Variants in VWC2L observed in about 807,000 individuals in gnomAD.
VWC2L encodes the protein von Willebrand factor C domain-containing protein 2-like.
Under a neutral mutation model 21.6 loss-of-function variants are expected in VWC2L, and 10 were observed. The observed-to-expected ratio is 0.46, with a 90% CI of 0.29 to 0.78. The LOEUF is 0.78. Ranked by LOEUF, VWC2L falls within the 30% of genes least tolerant of loss-of-function variation. The probability of loss-of-function intolerance (pLI) is 0.10; values close to 1 mark genes in which losing one functional copy is unlikely to be tolerated. For missense variants in VWC2L, 209 were observed against 277.1 expected, an observed-to-expected ratio of 0.75 and a Z score of 1.74; for synonymous variants, 96 against 94.3, an observed-to-expected ratio of 1.02 and a Z score of -0.10.
chr2:214,535,357 C>T (rs900395984), intron 3 of VWC2L, among the ~76,000 whole-genome samples: 2 of 152,040 alleles, frequency 1.3e-5, no homozygotes, highest in Admixed American at 1.3e-4. Flanking sequence ...AGTTCCCATG[C>T]TCTTCTCCAC....
chr2:214,414,167 C>A lies in VWC2L; in HGVS notation c.-27C>A, dbSNP rs1274885201. 2 of 1,586,832 alleles carry A rather than the reference C, an allele frequency of 1.3e-6. No individual in the cohort carries two copies. The highest frequency in any genetic ancestry group is 2.3e-5 in the South Asian group (2 of 86,066). On this transcript the variant is annotated 5_prime_UTR_variant, in exon 2 of 4. Coordinates refer to ENST00000312504, the MANE Select transcript of VWC2L (RefSeq NM_001080500.4). ...AGCTGAGTATATTTAATATTAGGAG[C>A]ACATCCAGAAGTCTTTGAAGAGGGG...
At chr2:214,538,125 T>C (rs1263339576) in intron 3 of VWC2L, among the ~76,000 whole-genome samples, 3 of 152,046 alleles carry the variant, frequency 2.0e-5, no homozygotes, top group Non-Finnish European at 4.4e-5. Flanking sequence ...GTGACAAGCA[T>C]GTATCCTAGT....
intron 3 of VWC2L, among the ~76,000 whole-genome samples, chr2:214,569,389 T>C (rs1361624197): frequency 6.6e-6 from 1 of 152,116 alleles, no homozygotes; most frequent in Non-Finnish European, 1.5e-5. Flanking sequence ...CCCAATGCTT[T>C]ATCATGGCCA....
chr2:214,468,035 T>G (rs1703244936), intron 3 of VWC2L, among the ~76,000 whole-genome samples: 1 of 152,058 alleles, frequency 6.6e-6, no homozygotes, highest in Admixed American at 6.6e-5. Flanking sequence ...CTTTTTTTTT[T>G]GAGACAGAGT....
chr2:214,416,080 A>G (rs1473671651), intron 2 of VWC2L, among the ~76,000 whole-genome samples: 6 of 152,106 alleles, frequency 3.9e-5, no homozygotes, highest in Admixed American at 2.0e-4. Context: ...TCTAACCTGC[A>G]TTTATATCTA....
intron 2 of VWC2L, among the ~76,000 whole-genome samples, chr2:214,426,603 G>A (rs1702527536): frequency 1.3e-5 from 2 of 152,164 alleles, no homozygotes; most frequent in Non-Finnish European, 2.9e-5. Flanking sequence ...TTTCACAAAT[G>A]AGAAAACCAA....
intron 3 of VWC2L, among the ~76,000 whole-genome samples, chr2:214,505,743 C>A (rs778306110): frequency 2.6e-5 from 4 of 151,934 alleles, no homozygotes; most frequent in Admixed American, 6.6e-5. Context: ...CAATATCATT[C>A]CCAATCATTA....
At chr2:214,441,512 C>T (rs1702762915) in intron 3 of VWC2L, among the ~76,000 whole-genome samples, 2 of 151,962 alleles carry the variant, frequency 1.3e-5, no homozygotes, top group African/African-American at 4.8e-5. Flanking sequence ...CTCATATCAG[C>T]AAAAGTATTG....
In VWC2L at chr2:214,578,892, G is replaced by C. The variant is rs895044478; in HGVS notation, c.*3072G>C. ...ACCTAAACACTAAACTGTAAAAAGG[G>C]GATTCTAGCAACAATATTTGATGTG... On this transcript the variant is annotated 3_prime_UTR_variant, in exon 4 of 4. Transcript: ENST00000312504. 1 of 151,334 alleles carries C rather than the reference G, an allele frequency of 6.6e-6. No individual in the cohort carries two copies. Among genetic ancestry groups the C allele is most frequent in the Non-Finnish European group, 1.5e-5 (1 of 67,900 alleles). 9.4% of individuals were successfully genotyped at this position (151,334 alleles called of 1,614,324 possible).
At chr2:214,527,105 A>G (rs1202174704) in intron 3 of VWC2L, among the ~76,000 whole-genome samples, 1 of 152,172 alleles carries the variant, frequency 6.6e-6, no homozygotes, top group East Asian at 1.9e-4. Context: ...CAGCAACATG[A>G]ATGCAGCGAA....
At chr2:214,474,780 T>C (rs748215457) in intron 3 of VWC2L, among the ~76,000 whole-genome samples, 3 of 152,148 alleles carry the variant, frequency 2.0e-5, no homozygotes, top group Non-Finnish European at 2.9e-5. Flanking sequence ...TTAAATGAGA[T>C]AGCATATGTA....
chr2:214,472,559 T>C (rs1338930691), intron 3 of VWC2L, among the ~76,000 whole-genome samples: 1 of 152,186 alleles, frequency 6.6e-6, no homozygotes, highest in Non-Finnish European at 1.5e-5. Flanking sequence ...AATGTTCAAC[T>C]CATACATGAT....
intron 3 of VWC2L, among the ~76,000 whole-genome samples, chr2:214,497,440 G>A (rs535008790): frequency 6.6e-5 from 10 of 152,160 alleles, no homozygotes; most frequent in East Asian, 1.9e-4. Flanking sequence ...CCCAATTTTC[G>A]CAACCTCATC....
Position 214,509,465 on chromosome 2 carries a change from T to TA in VWC2L, c.521-66195dup, listed in dbSNP as rs67599157. Among the ~76,000 whole-genome samples the TA allele has an allele frequency of 5.9e-4, 89 of 150,748 alleles. 1 individual carries two copies. The highest frequency in any genetic ancestry group is 1.8e-3 in the African/African-American group (75 of 40,848). On this transcript the variant is annotated intron_variant, in intron 3 of 3. Transcript: ENST00000312504. ...TTCTCTAAAGAAAAACTTTGCTACTTAAAAAAAAAAAATGTGTTCGTTGAT... is the reference window on the plus strand; with the variant it reads ...TTCTCTAAAGAAAAACTTTGCTACTTAAAAAAAAAAAAATGTGTTCGTTGAT...
chr2:214,478,918 A>G (rs1688563594), intron 3 of VWC2L, among the ~76,000 whole-genome samples: 1 of 152,128 alleles, frequency 6.6e-6, no homozygotes. Context: ...GCAGGAAAAC[A>G]TATTTCAAAG....
chr2:214,507,084 G>T (rs1467876743), intron 3 of VWC2L, among the ~76,000 whole-genome samples: 4 of 152,026 alleles, frequency 2.6e-5, no homozygotes, highest in African/African-American at 9.6e-5. Flanking sequence ...ACAAATACTA[G>T]AGTATAAGCA....
intron 3 of VWC2L, among the ~76,000 whole-genome samples, chr2:214,464,362 C>A (rs1264985800): frequency 6.6e-6 from 1 of 151,960 alleles, no homozygotes; most frequent in Non-Finnish European, 1.5e-5. Context: ...AGAGGGTACC[C>A]CAAGACCAGT....
chr2:214,530,767 G>A (rs745495215), intron 3 of VWC2L, among the ~76,000 whole-genome samples: 8 of 152,142 alleles, frequency 5.3e-5, no homozygotes, highest in Non-Finnish European at 1.2e-4. Context: ...AGTTAATAAT[G>A]TATACTTATA....
intron 3 of VWC2L, among the ~76,000 whole-genome samples, chr2:214,519,513 T>C (rs150974672): frequency 6.6e-6 from 1 of 152,334 alleles, no homozygotes; most frequent in African/African-American, 2.4e-5. Context: ...CACAAGTGTG[T>C]CTTGAAAACC....
Sources: allele counts gnomAD v4.1 joint callset (sites outside exome capture counted in the v4.1 genomes callset), GRCh38; gene constraint gnomAD v4.1.1; transcripts MANE v1.5; gene names NCBI Gene and HGNC (gene_info 2026-07-23, HGNC 2026-07-21).